The following EVI5 variants were observed in gnomAD, a reference collection of about 807,000 sequenced individuals.
The protein encoded by EVI5 is ecotropic viral integration site 5.
EVI5 carries 73 observed loss-of-function variants against 112.0 expected under a neutral mutation model. That is an observed-to-expected ratio of 0.65 (90% CI 0.54 to 0.79). The LOEUF is 0.79. EVI5 is among the 30% of genes least tolerant of loss of function. The probability of loss-of-function intolerance (pLI) is 0.00; values close to 1 mark genes in which losing one functional copy is unlikely to be tolerated. For missense variants in EVI5, 900 were observed against 968.8 expected (o/e 0.93, Z 0.94); for synonymous variants, 305 against 319.9 (o/e 0.95, Z 0.50).
At chr1:92,622,153 A>G (rs1373867298) in intron 16 of EVI5, 1 of 192,014 alleles carries the variant, frequency 5.2e-6, no homozygotes, top group Admixed American at 6.3e-5. Context: ...AGAAATCTAA[A>G]TCTAAAATAT....
At chr1:92,602,398 A>T (rs1224361611) in intron 18 of EVI5, among the ~76,000 whole-genome samples, 1 of 151,682 alleles carries the variant, frequency 6.6e-6, no homozygotes, top group African/African-American at 2.4e-5. Context: ...TATTTTTATT[A>T]AAAAAATTTT....
chr1:92,598,545 G>GA (rs1222207126), intron 18 of EVI5, among the ~76,000 whole-genome samples: 3 of 152,104 alleles, frequency 2.0e-5, no homozygotes, highest in African/African-American at 7.2e-5. Flanking sequence ...AAAGTGAGAT[G>GA]AGTACATAAT....
intron 18 of EVI5, among the ~76,000 whole-genome samples, chr1:92,600,002 A>AT (rs1390375721): frequency 1.3e-5 from 2 of 152,210 alleles, no homozygotes; most frequent in African/African-American, 4.8e-5. Context: ...GGAGAAAAGG[A>AT]AACTGGATGG....
chr1:92,710,755 G>T lies in EVI5; in HGVS notation c.150-6011C>A, dbSNP rs1004767576. ...CCACACAATAGTGAGATTGGGGTTG[G>T]GGGGGGGGTGCCAATATACCAACTG... On this transcript the variant is annotated intron_variant, in intron 2 of 19. Coordinates refer to ENST00000684568, the MANE Select transcript of EVI5 (RefSeq NM_001350197.2). 2.3e-3 allele frequency among the ~76,000 whole-genome samples: 4 copies of T among 1,772 alleles called. No homozygotes were observed. In the South Asian group the frequency reaches 0.25, roughly 111 times the overall value. The allele number at this position is 1,772 out of a possible 152,430, so 1.2% of individuals were successfully genotyped here.
upstream of EVI5, among the ~76,000 whole-genome samples, chr1:92,789,652 A>G (rs888473948): frequency 2.6e-5 from 4 of 152,146 alleles, no homozygotes; most frequent in African/African-American, 9.7e-5. Context: ...AAAGTTTTCT[A>G]TGTTCTGATA....
intron 19 of EVI5, among the ~76,000 whole-genome samples, chr1:92,536,253 G>A (rs1270764877): frequency 6.6e-6 from 1 of 152,092 alleles, no homozygotes; most frequent in African/African-American, 2.4e-5. Context: ...TTCTCTGTGT[G>A]TATTAAACAA....
intron 2 of EVI5, among the ~76,000 whole-genome samples, chr1:92,717,661 A>G (rs966445115): frequency 1.1e-4 from 16 of 152,232 alleles, no homozygotes; most frequent in African/African-American, 2.4e-5. Flanking sequence ...ACCAGCTAGC[A>G]TCATAATGAC....
At chr1:92,627,884 G>A (rs1042455450) in intron 14 of EVI5, among the ~76,000 whole-genome samples, 3 of 152,008 alleles carry the variant, frequency 2.0e-5, no homozygotes, top group Non-Finnish European at 4.4e-5. Context: ...CTGCCTCCCG[G>A]GTTCAAGCAA....
intron 9 of EVI5, among the ~76,000 whole-genome samples, chr1:92,682,800 G>A (rs1454948543): frequency 6.6e-6 from 1 of 152,142 alleles, no homozygotes; most frequent in African/African-American, 2.4e-5. Context: ...CTCCTTCAGA[G>A]AACTACCTGA....
intron 2 of EVI5, chr1:92,732,554 G>A (rs908408046): frequency 4.2e-5 from 8 of 188,322 alleles, no homozygotes; most frequent in Non-Finnish European, 8.8e-5. Context: ...CTTTTCCATG[G>A]ATGAAGCATC....
intron 19 of EVI5, among the ~76,000 whole-genome samples, chr1:92,546,630 A>G (rs977317910): frequency 9.2e-5 from 14 of 152,164 alleles, no homozygotes; most frequent in African/African-American, 3.1e-4. Context: ...CGGGAGGCGG[A>G]GGTTGCAGTG....
intron 19 of EVI5, among the ~76,000 whole-genome samples, chr1:92,554,744 A>C (rs749998763): frequency 9.9e-5 from 15 of 152,154 alleles, no homozygotes; most frequent in Non-Finnish European, 2.2e-4. Flanking sequence ...CAAGACAGGG[A>C]GATCCCTTGA....
chr1:92,523,331 T>C (rs555897030), intron 19 of EVI5, among the ~76,000 whole-genome samples: 2 of 152,270 alleles, frequency 1.3e-5, no homozygotes, highest in South Asian at 2.1e-4. Context: ...ACCCTCACCC[T>C]GGCAACCATG....
intron 18 of EVI5, among the ~76,000 whole-genome samples, chr1:92,577,516 G>A (rs916743525): frequency 6.6e-6 from 1 of 152,206 alleles, no homozygotes; most frequent in African/African-American, 2.4e-5. Flanking sequence ...TGCTTCATAA[G>A]TTTTCATCTG....
intron 19 of EVI5, among the ~76,000 whole-genome samples, chr1:92,532,987 T>C (rs1373226059): frequency 7.4e-6 from 1 of 134,514 alleles, no homozygotes; most frequent in Non-Finnish European, 1.5e-5. Flanking sequence ...AAAAAATCAA[T>C]GAATCTAGGA....
At chr1:92,676,265 C>T (rs1396666047) in intron 10 of EVI5, among the ~76,000 whole-genome samples, 2 of 152,034 alleles carry the variant, frequency 1.3e-5, no homozygotes, top group Non-Finnish European at 2.9e-5. Flanking sequence ...AACCCATTTC[C>T]TTGTAAAAGG....
In EVI5 at chr1:92,773,494, A is replaced by T. The variant is rs376584109; in HGVS notation, c.-82+11342T>A. ...CAACAGAGCAAGACCCCCAAAAATT[A>T]GCCAAGTGCGGTGGCACAAACCCTG... On this transcript the variant is annotated intron_variant, in intron 1 of 19. Coordinates refer to ENST00000684568, the MANE Select transcript of EVI5 (RefSeq NM_001350197.2). Among the ~76,000 whole-genome samples, 97 of 152,208 alleles carry T rather than the reference A, an allele frequency of 6.4e-4. 2 individuals carry two copies. The highest frequency in any genetic ancestry group is 2.3e-3 in the African/African-American group (94 of 41,530).
chr1:92,635,156 G>T (rs562361442), intron 14 of EVI5, among the ~76,000 whole-genome samples: 4 of 152,206 alleles, frequency 2.6e-5, no homozygotes, highest in African/African-American at 7.2e-5. Context: ...CAGTCTGTCG[G>T]TTCTCAGATC....
rs769201701 is a variant in EVI5, at chr1:92,518,620, C to CG, written c.2167-4651dup. The stretch of plus-strand genomic sequence containing the variant: ...TTCGAGGATAGTATCTCCGAGAAGC[C>CG]GGGAAAAAACTCAGTTAAGAGAGAA... On this transcript the variant is annotated intron_variant, in intron 19 of 19. Coordinates refer to ENST00000684568, the MANE Select transcript of EVI5 (RefSeq NM_001350197.2). Among the ~76,000 whole-genome samples the CG allele has an allele frequency of 8.1e-5, 12 of 147,616 alleles. No homozygotes were observed. In the East Asian group the frequency reaches 2.2e-3, roughly 27 times the overall value.
Sources: gnomAD v4.1 joint callset for allele counts (sites outside exome capture counted in the v4.1 genomes callset) on GRCh38, gnomAD v4.1.1 for gene constraint, MANE v1.5 for transcripts, NCBI Gene and HGNC (gene_info 2026-07-23, HGNC 2026-07-21) for gene names.